DTNA: variants seen among roughly 807,000 people sequenced by gnomAD.
DTNA encodes dystrobrevin alpha.
Under a neutral mutation model 100.7 loss-of-function variants are expected in DTNA, and 43 were observed. The ratio of observed to expected loss-of-function variants is 0.43; its 90% CI spans 0.33 to 0.55. The LOEUF (loss-of-function observed/expected upper bound fraction) is 0.55. Among genes scored for constraint, DTNA ranks in the 20% least tolerant of loss-of-function variants. The pLI is 0.04. For missense variants in DTNA, 798 were observed against 953.9 expected (o/e 0.84, Z 2.15); for synonymous variants, 349 against 347.9 (o/e 1.00, Z -0.04).
chr18:34,667,365 G>A (rs1474413104), intron 1 of DTNA, among the ~76,000 whole-genome samples: 1 of 152,168 alleles, frequency 6.6e-6, no homozygotes, highest in African/African-American at 2.4e-5. Flanking sequence ...CATGTCATCC[G>A]CAAACAGCGA....
At chr18:34,528,456 T>A (rs1231886228) in intron 1 of DTNA, among the ~76,000 whole-genome samples, 1 of 152,100 alleles carries the variant, frequency 6.6e-6, no homozygotes, top group Non-Finnish European at 1.5e-5. Context: ...TAGTGACCTA[T>A]TATTTTCACC....
intron 18 of DTNA, 138 bp downstream of exon 18, chr18:34,875,536 G>A: frequency 1.5e-6 from 2 of 1,319,758 alleles, no homozygotes; most frequent in African/African-American, 1.5e-5. Flanking sequence ...AGCCTGGCCT[G>A]CCAGCCATTT....
intron 1 of DTNA, among the ~76,000 whole-genome samples, chr18:34,533,720 G>A (rs1391064029): frequency 6.6e-6 from 1 of 152,064 alleles, no homozygotes. Flanking sequence ...CATATAGTGT[G>A]TATATAAACC....
Position 34,827,677 on chromosome 18 carries a change from G to T in DTNA, c.1085+1G>T. On this transcript the variant is annotated splice_donor_variant, in intron 10 of 22. Coordinates refer to ENST00000444659, the MANE Select transcript of DTNA (RefSeq NM_001386795.1). LOFTEE classifies it high-confidence loss of function. Reference sequence around the variant, plus strand: ...CAGGAAGTCCTTTTATTACCAGGAGGTAAGTTCCAACCCTATTATAAAATA... The same window carrying T: ...CAGGAAGTCCTTTTATTACCAGGAGTTAAGTTCCAACCCTATTATAAAATA... 1 of 1,613,510 alleles carries T rather than the reference G, an allele frequency of 6.2e-7. No individual in the cohort carries two copies. Among genetic ancestry groups the T allele is most frequent in the Non-Finnish European group, 8.5e-7 (1 of 1,179,470 alleles).
At chr18:34,825,364 T>C (rs1602746220) in intron 9 of DTNA, 9 of 1,527,856 alleles carry the variant, frequency 5.9e-6, no homozygotes, top group East Asian at 2.3e-5. Context: ...GTGAGCAATA[T>C]GAGGCTAGTT....
At chr18:34,570,357 G>T (rs368168794) in intron 1 of DTNA, among the ~76,000 whole-genome samples, 2 of 152,204 alleles carry the variant, frequency 1.3e-5, no homozygotes, top group Non-Finnish European at 2.9e-5. Flanking sequence ...AGCAGCGACA[G>T]AGTCTTAATT....
intron 1 of DTNA, among the ~76,000 whole-genome samples, chr18:34,646,222 G>T (rs1378992256): frequency 2.0e-5 from 3 of 151,854 alleles, no homozygotes; most frequent in Admixed American, 1.3e-4. Flanking sequence ...GTGAAAAACT[G>T]GACACATTAC....
intron 4 of DTNA, among the ~76,000 whole-genome samples, chr18:34,800,878 T>G (rs2149160445): frequency 6.6e-6 from 1 of 152,320 alleles, no homozygotes; most frequent in South Asian, 2.1e-4. Flanking sequence ...AAAACAAATA[T>G]TCTCTTCCCT....
At position 34,888,318 on chromosome 18, in the gene DTNA, C is replaced by T. The variant is rs978993604; in HGVS notation, c.*584C>T. On this transcript the variant is annotated 3_prime_UTR_variant, in exon 23 of 23. Transcript: ENST00000444659. ...CAACCACTTGCAATCATTCAATAAC[C>T]CTGAAGAATTTGGTTCCTGAGTGTA... is the stretch of plus-strand genomic sequence containing the variant. The T allele has an allele frequency of 3.9e-5, 38 of 985,596 alleles. No homozygotes were observed. Among genetic ancestry groups the T allele is most frequent in the Non-Finnish European group, 4.6e-5 (38 of 829,920 alleles). 61.1% of individuals were successfully genotyped at this position (985,596 alleles called of 1,614,324 possible).
chr18:34,675,190 G>C (rs571193516), intron 1 of DTNA, among the ~76,000 whole-genome samples: 2 of 152,056 alleles, frequency 1.3e-5, no homozygotes, highest in African/African-American at 4.8e-5. Flanking sequence ...TGAATTTTCA[G>C]ATGTTCAGCA....
At chr18:34,608,707 G>A (rs1235994157) in intron 1 of DTNA, among the ~76,000 whole-genome samples, 4 of 152,018 alleles carry the variant, frequency 2.6e-5, no homozygotes, top group Non-Finnish European at 4.4e-5. Context: ...CCATCTCTTT[G>A]TGAGAATAAA....
At chr18:34,506,606 T>C (rs2040519911) in intron 1 of DTNA, among the ~76,000 whole-genome samples, 1 of 152,204 alleles carries the variant, frequency 6.6e-6, no homozygotes, top group African/African-American at 2.4e-5. Flanking sequence ...TCCTTTCCTG[T>C]TCCTTAGGCC....
intron 1 of DTNA, among the ~76,000 whole-genome samples, chr18:34,626,078 A>G (rs2057282842): frequency 6.6e-6 from 1 of 152,230 alleles, no homozygotes. Context: ...TAGAAAGATT[A>G]GGCTTGTGAT....
chr18:34,891,521 A>G lies in DTNA; in HGVS notation c.*3787A>G, dbSNP rs2096964394. On this transcript the variant is annotated 3_prime_UTR_variant, in exon 23 of 23. Coordinates refer to ENST00000444659, the MANE Select transcript of DTNA (RefSeq NM_001386795.1). ...TTAAAGCAGGACCCATTGATGGAATATTGAGCCACCGAGGCAAAATAGCTC... is the reference window on the plus strand; with the variant it reads ...TTAAAGCAGGACCCATTGATGGAATGTTGAGCCACCGAGGCAAAATAGCTC... 1 of 152,220 alleles carries G rather than the reference A, an allele frequency of 6.6e-6. No homozygotes were observed. 9.4% of individuals were successfully genotyped at this position (152,220 alleles called of 1,614,324 possible).
intron 15 of DTNA, among the ~76,000 whole-genome samples, chr18:34,857,018 C>A (rs917417561): frequency 6.6e-6 from 1 of 152,190 alleles, no homozygotes; most frequent in Non-Finnish European, 1.5e-5. Context: ...GAGGGCTCTG[C>A]AGGGGCACCT....
chr18:34,636,606 A>G (rs2058692457), intron 1 of DTNA, among the ~76,000 whole-genome samples: 1 of 152,208 alleles, frequency 6.6e-6, no homozygotes, highest in Admixed American at 6.5e-5. Context: ...CAGTGAATAA[A>G]GCTGGTAACA....
intron 1 of DTNA, among the ~76,000 whole-genome samples, chr18:34,534,031 G>A (rs74985296): frequency 0.01 from 1,549 of 152,160 alleles, 12 homozygotes; most frequent in Non-Finnish European, 0.017. Flanking sequence ...TTTTATCAGA[G>A]TTGGAACAGA....
intron 3 of DTNA, among the ~76,000 whole-genome samples, chr18:34,790,793 A>G (rs981110098): frequency 2.0e-5 from 3 of 152,168 alleles, no homozygotes; most frequent in African/African-American, 7.2e-5. Context: ...TGAAAAAAGA[A>G]CTGACTCAGC....
chr18:34,874,929 T>A (rs1356583760), intron 17 of DTNA, among the ~76,000 whole-genome samples: 1 of 152,206 alleles, frequency 6.6e-6, no homozygotes, highest in Non-Finnish European at 1.5e-5. Context: ...GGAGAAAGTA[T>A]CCACACCTTG....
Sources: gnomAD v4.1 joint callset for allele counts (sites outside exome capture counted in the v4.1 genomes callset) on GRCh38, gnomAD v4.1.1 for gene constraint, MANE v1.5 for transcripts, NCBI Gene and HGNC (gene_info 2026-07-23, HGNC 2026-07-21) for gene names.